HMBOX1: variants seen among roughly 807,000 people sequenced by gnomAD.
The protein encoded by HMBOX1 is homeobox containing 1.
In HMBOX1, 14 loss-of-function variants were observed where a neutral mutation model predicts 54.5. The ratio of observed to expected loss-of-function variants is 0.26; its 90% CI spans 0.17 to 0.40. The LOEUF is 0.40. Ranked by LOEUF, HMBOX1 falls within the 10% of genes least tolerant of loss-of-function variation. The pLI is 1.00. For synonymous variants in HMBOX1, 160 were observed against 181.0 expected, an observed-to-expected ratio of 0.88 and a Z score of 0.93; for missense variants, 332 against 514.4, an observed-to-expected ratio of 0.65 and a Z score of 3.43.
Position 28,985,886 on chromosome 8 carries a change from TC to T in HMBOX1, c.586+5732del, listed in dbSNP as rs539509250. 2.2e-4 allele frequency among the ~76,000 whole-genome samples: 31 copies of T among 142,060 alleles called. No individual in the cohort carries two copies. The South Asian group carries it at 4.4e-3, about 20-fold the overall frequency. 93.2% of individuals were successfully genotyped at this position (142,060 alleles called of 152,430 possible). On this transcript the variant is annotated intron_variant, in intron 4 of 9. Transcript: ENST00000287701. ...ACACCCCACTCTCCCACTATCACCA[TC>T]CAGCCCCAGAGTGGTACCTTTGTTA...
At position 28,970,738 on chromosome 8, in the gene HMBOX1, C is replaced by T; in HGVS notation, c.500+219C>T. 2 of 440,342 alleles carry T rather than the reference C, an allele frequency of 4.5e-6. No homozygotes were observed. The highest frequency in any genetic ancestry group is 7.1e-5 in the East Asian group (2 of 28,108). The allele number at this position is 440,342 out of a possible 1,614,324, so 27.3% of individuals were successfully genotyped here. On this transcript the variant is annotated intron_variant, in intron 3 of 9. Coordinates refer to ENST00000287701, the MANE Select transcript of HMBOX1 (RefSeq NM_001135726.3). The surrounding 1 kb of genome is among the most constrained non-coding windows in gnomAD (Gnocchi z 4.3). ...TCTCTTCTTTACTTCAGCCCTTTCT[C>T]TTTGCTGCTTGACAAGCCTTTTCCA...
At chr8:28,934,139 G>C (rs1012311604) in intron 1 of HMBOX1, among the ~76,000 whole-genome samples, 2 of 152,050 alleles carry the variant, frequency 1.3e-5, no homozygotes, top group African/African-American at 4.8e-5. Flanking sequence ...ATGACTAAAA[G>C]GTTTGTATAT....
intron 1 of HMBOX1, among the ~76,000 whole-genome samples, chr8:28,924,975 AT>A (rs906088748): frequency 3.6e-4 from 54 of 150,612 alleles, no homozygotes; most frequent in African/African-American, 1.3e-3. Flanking sequence ...TATGAATTAC[AT>A]ATAAGAGCAG....
At chr8:29,040,052 T>A (rs1804592237) in intron 6 of HMBOX1, among the ~76,000 whole-genome samples, 1 of 152,180 alleles carries the variant, frequency 6.6e-6, no homozygotes, top group South Asian at 2.1e-4. Context: ...CTCCAATGCC[T>A]GCAGCCTGTG....
upstream of HMBOX1, chr8:28,890,174 T>A: frequency 6.6e-6 from 3 of 453,006 alleles, no homozygotes; most frequent in Non-Finnish European, 1.2e-5. Context: ...TGATATCATG[T>A]CTTCCTTACG....
At chr8:29,010,399 A>G (rs1203764187) in intron 5 of HMBOX1, among the ~76,000 whole-genome samples, 1 of 152,098 alleles carries the variant, frequency 6.6e-6, no homozygotes, top group Admixed American at 6.5e-5. Context: ...TCTACTAAAA[A>G]TACAAAAATT....
chr8:28,946,159 G>A (rs1822413390), intron 1 of HMBOX1, among the ~76,000 whole-genome samples: 1 of 151,680 alleles, frequency 6.6e-6, no homozygotes. Flanking sequence ...CACCAAGTTG[G>A]CCAGGCTGGT....
intron 1 of HMBOX1, among the ~76,000 whole-genome samples, chr8:28,946,604 T>C (rs1032097758): frequency 6.6e-6 from 1 of 152,148 alleles, no homozygotes; most frequent in Non-Finnish European, 1.5e-5. Context: ...GTGTTTGATA[T>C]GTATTTTCAA....
At chr8:28,908,025 G>A (rs937104075) in intron 1 of HMBOX1, among the ~76,000 whole-genome samples, 8 of 151,792 alleles carry the variant, frequency 5.3e-5, no homozygotes, top group Non-Finnish European at 1.5e-5. Flanking sequence ...GCTAGTTTTT[G>A]TATTTTTTGT....
chr8:29,037,765 A>C (rs1804143017), intron 6 of HMBOX1, among the ~76,000 whole-genome samples: 1 of 152,200 alleles, frequency 6.6e-6, no homozygotes, highest in South Asian at 2.1e-4. Context: ...TCCAGAGATC[A>C]TTTACCACAT....
chr8:29,009,148 T>C lies in HMBOX1; in HGVS notation c.663T>C (p.Phe221=). ...TGAGTGAACAGAAGAAAAGAGCATTTTACCGATGGTATCAACTTGAGAAGA... is the reference window on the plus strand; with the variant it reads ...TGAGTGAACAGAAGAAAAGAGCATTCTACCGATGGTATCAACTTGAGAAGA... ...SDLSEQKKRA[F]YRWYQLEKTN... The change falls in exon 5 of 10, where the codon TTT becomes TTC. Residue 221 remains phenylalanine (F), a synonymous_variant. Coordinates refer to ENST00000287701, the MANE Select transcript of HMBOX1 (RefSeq NM_001135726.3). 1 of 1,613,448 alleles carries C rather than the reference T, an allele frequency of 6.2e-7. No homozygotes were observed. Among genetic ancestry groups the C allele is most frequent in the South Asian group, 1.1e-5 (1 of 91,084 alleles).
At chr8:28,921,281 A>G (rs1038313940) in intron 1 of HMBOX1, among the ~76,000 whole-genome samples, 1 of 152,240 alleles carries the variant, frequency 6.6e-6, no homozygotes, top group Non-Finnish European at 1.5e-5. Context: ...GGTTGCGGTG[A>G]GCTGAGATCA....
intron 3 of HMBOX1, among the ~76,000 whole-genome samples, chr8:28,972,390 A>T (rs1010100717): frequency 5.9e-5 from 9 of 151,726 alleles, no homozygotes; most frequent in African/African-American, 2.2e-4. Flanking sequence ...TTTTTTTTTT[A>T]AAGTTAAAAA....
chr8:28,995,927 C>T (rs943567844), intron 4 of HMBOX1, among the ~76,000 whole-genome samples: 1 of 151,972 alleles, frequency 6.6e-6, no homozygotes, highest in East Asian at 1.9e-4. Flanking sequence ...ATAGTGAAAC[C>T]CCGTCTCTAC....
intron 2 of HMBOX1, among the ~76,000 whole-genome samples, chr8:28,967,383 T>C (rs1826608259): frequency 6.6e-6 from 1 of 152,252 alleles, no homozygotes; most frequent in Non-Finnish European, 1.5e-5. Flanking sequence ...GATTGTTTCA[T>C]ATGCTGTGAA....
chr8:28,916,618 A>G (rs903144216), intron 1 of HMBOX1, among the ~76,000 whole-genome samples: 6 of 152,198 alleles, frequency 3.9e-5, no homozygotes, highest in Non-Finnish European at 7.3e-5. Flanking sequence ...TTAATTGACC[A>G]TATTTGTGTG....
intron 1 of HMBOX1, among the ~76,000 whole-genome samples, chr8:28,938,703 C>T (rs1187774701): frequency 1.3e-5 from 2 of 151,906 alleles, no homozygotes; most frequent in Non-Finnish European, 2.9e-5. Flanking sequence ...TCTGCCTTGG[C>T]CTCCCAGAGT....
chr8:28,895,526 T>A (rs146222036), intron 1 of HMBOX1, among the ~76,000 whole-genome samples: 1 of 152,198 alleles, frequency 6.6e-6, no homozygotes, highest in Admixed American at 6.5e-5. Flanking sequence ...AAGACAAAAA[T>A]TAGCTGGGTA....
intron 6 of HMBOX1, among the ~76,000 whole-genome samples, chr8:29,045,046 A>G (rs1805374949): frequency 6.6e-6 from 1 of 152,262 alleles, no homozygotes; most frequent in Non-Finnish European, 1.5e-5. Context: ...AGCAGTATGT[A>G]GACCTGTTTT....
Sources: gnomAD v4.1 joint callset for allele counts (sites outside exome capture counted in the v4.1 genomes callset) on GRCh38, gnomAD v4.1.1 for gene constraint, Gnocchi (gnomAD v3.1) non-coding constraint, MANE v1.5 for transcripts, NCBI Gene and HGNC (gene_info 2026-07-23, HGNC 2026-07-21) for gene names.